Variants in THSD7A observed in about 807,000 individuals in gnomAD.
The protein encoded by THSD7A is thrombospondin type 1 domain containing 7A, also known as thrombospondin type-1 domain-containing protein 7A.
THSD7A carries 96 observed loss-of-function variants against 231.3 expected under a neutral mutation model. The ratio of observed to expected loss-of-function variants is 0.41; its 90% confidence interval spans 0.35 to 0.49. The LOEUF (loss-of-function observed/expected upper bound fraction) is 0.49. THSD7A is among the 20% of genes least tolerant of loss of function. THSD7A has a pLI of 0.05. For synonymous variants in THSD7A, 940 were observed against 743.3 expected (o/e 1.26, Z -4.30); for missense variants, 2,290 against 2,070.2 (o/e 1.11, Z -2.06).
chr7:11,743,739 T>C (rs761097421), intron 1 of THSD7A, among the ~76,000 whole-genome samples: 11 of 151,850 alleles, frequency 7.2e-5, no homozygotes, highest in Non-Finnish European at 1.2e-4. Context: ...TTCTATGCTA[T>C]GGTGATAAAT....
intron 1 of THSD7A, among the ~76,000 whole-genome samples, chr7:11,675,796 C>T (rs1186164827): frequency 6.6e-6 from 1 of 152,194 alleles, no homozygotes; most frequent in Non-Finnish European, 1.5e-5. Flanking sequence ...TCCCATCTCC[C>T]TGGGACAGAG....
intron 1 of THSD7A, among the ~76,000 whole-genome samples, chr7:11,660,777 G>A (rs1036395917): frequency 1.3e-5 from 2 of 151,474 alleles, no homozygotes; most frequent in Non-Finnish European, 3.0e-5. Context: ...ATGAGCAAAT[G>A]TGTTTTTAAA....
intron 6 of THSD7A, among the ~76,000 whole-genome samples, chr7:11,482,975 T>C (rs539931578): frequency 4.0e-5 from 6 of 151,518 alleles, no homozygotes; most frequent in Admixed American, 1.3e-4. Flanking sequence ...ATATAGGTGG[T>C]TAACGAGGTC....
At chr7:11,828,981 A>T (rs985292692) in intron 1 of THSD7A, among the ~76,000 whole-genome samples, 4 of 152,028 alleles carry the variant, frequency 2.6e-5, no homozygotes, top group Non-Finnish European at 5.9e-5. Flanking sequence ...CTTTATGATG[A>T]TCCAGTTCCA....
intron 23 of THSD7A, among the ~76,000 whole-genome samples, chr7:11,386,136 T>G (rs181344137): frequency 6.6e-6 from 1 of 152,216 alleles, no homozygotes; most frequent in Non-Finnish European, 1.5e-5. Flanking sequence ...TTCGGGTTGG[T>G]TCCAAGTCTT....
At chr7:11,799,709 T>C (rs1397098372) in intron 1 of THSD7A, among the ~76,000 whole-genome samples, 1 of 152,150 alleles carries the variant, frequency 6.6e-6, no homozygotes, top group Admixed American at 6.5e-5. Context: ...ATACTAATAG[T>C]TCCTATGCAT....
chr7:11,544,675 A>C (rs1401750503), intron 4 of THSD7A, among the ~76,000 whole-genome samples: 1 of 152,240 alleles, frequency 6.6e-6, no homozygotes, highest in Non-Finnish European at 1.5e-5. Context: ...GCACACAGTC[A>C]TAAATGCTAT....
At chr7:11,760,099 A>C (rs1338161666) in intron 1 of THSD7A, among the ~76,000 whole-genome samples, 1 of 152,126 alleles carries the variant, frequency 6.6e-6, no homozygotes, top group African/African-American at 2.4e-5. Flanking sequence ...GAAGAGAAAG[A>C]TGATGATAGA....
chr7:11,800,127 A>G (rs1583301178), intron 1 of THSD7A, among the ~76,000 whole-genome samples: 1 of 152,142 alleles, frequency 6.6e-6, no homozygotes, highest in Non-Finnish European at 1.5e-5. Context: ...AGCACTTGAG[A>G]CCAGCCTAGA....
rs1321824708 is a variant in THSD7A, at chr7:11,814,652, T to C, written c.190+17105A>G. 7.9e-5 allele frequency among the ~76,000 whole-genome samples: 12 copies of C among 152,166 alleles called. No individual in the cohort carries two copies. The highest frequency in any genetic ancestry group is 2.9e-4 in the African/African-American group (12 of 41,450). On this transcript the variant is annotated intron_variant, in intron 1 of 27. Coordinates refer to ENST00000423059, the MANE Select transcript of THSD7A (RefSeq NM_015204.3). The surrounding 1 kb of genome is among the most constrained non-coding windows in gnomAD (Gnocchi z 5.1). Reference sequence around the variant, plus strand: ...CTGAAGCAGTTCAAAACCAGTTCTCTTATACAATGAGCCAAGAGAACTAAA... The same window carrying C: ...CTGAAGCAGTTCAAAACCAGTTCTCCTATACAATGAGCCAAGAGAACTAAA...
At chr7:11,408,411 T>C (rs540344318) in intron 19 of THSD7A, among the ~76,000 whole-genome samples, 3 of 151,792 alleles carry the variant, frequency 2.0e-5, no homozygotes, top group South Asian at 4.2e-4. Flanking sequence ...GGCAGGAGAA[T>C]TGCTTGAACC....
intron 1 of THSD7A, among the ~76,000 whole-genome samples, chr7:11,776,347 G>A (rs1783405124): frequency 6.6e-6 from 1 of 152,150 alleles, no homozygotes; most frequent in Middle Eastern, 3.2e-3. Flanking sequence ...CAGTAATGGA[G>A]CACATAAAGC....
chr7:11,768,935 GGTTTT>G (rs78762361), intron 1 of THSD7A, among the ~76,000 whole-genome samples: 36,528 of 147,236 alleles, frequency 0.25, 4,709 homozygotes, highest in Middle Eastern at 0.39. Context: ...TCCATTTAAT[GGTTTT>G]GTTTTGTTTT....
intron 26 of THSD7A, chr7:11,378,855 A>C: frequency 1.8e-6 from 1 of 544,844 alleles, no homozygotes; most frequent in South Asian, 2.8e-5. Context: ...ATTTTTTCTC[A>C]GAAGAATGTA....
chr7:11,557,695 C>T (rs1234176991), intron 4 of THSD7A, among the ~76,000 whole-genome samples: 1 of 152,120 alleles, frequency 6.6e-6, no homozygotes, highest in Admixed American at 6.6e-5. Flanking sequence ...TATTTAACCT[C>T]CATTGATAAC....
At chr7:11,687,140 A>G (rs773902376) in intron 1 of THSD7A, among the ~76,000 whole-genome samples, 1 of 151,868 alleles carries the variant, frequency 6.6e-6, no homozygotes, top group African/African-American at 2.4e-5. Flanking sequence ...GGTGACCCCA[A>G]TTACATTTGC....
Position 11,446,694 on chromosome 7 carries a change from C to T in THSD7A, c.2801-370G>A, listed in dbSNP as rs1013220897. On this transcript the variant is annotated intron_variant, in intron 12 of 27. Transcript: ENST00000423059. This position sits in a 1 kb window ranked among gnomAD's most constrained non-coding sequence, Gnocchi z 4.0. ...TAAATTCTGAGTACTCTACTAGCAC[C>T]AATATTTTTAGGTTGCTTTTGCCAT... Among the ~76,000 whole-genome samples the T allele has an allele frequency of 2.0e-5, 3 of 152,112 alleles. No homozygotes were observed. Among genetic ancestry groups the T allele is most frequent in the Middle Eastern group, 3.4e-3 (1 of 294 alleles).
At position 11,831,800 on chromosome 7, in the gene THSD7A, C is replaced by A. The variant is rs763256651; in HGVS notation, c.147G>T (p.Ala49=). 8 of 1,462,590 alleles carry A rather than the reference C, an allele frequency of 5.5e-6. No individual in the cohort carries two copies. In the Admixed American group the frequency reaches 6.6e-5, roughly 12 times the overall value. The allele number at this position is 1,462,590 out of a possible 1,614,324, so 90.6% of individuals were successfully genotyped here. ...GGGTGGGCGCCTCCGCCTCGCCCTGCGCCGCAGCCCTGCCGGCGCCCGGGC... is the reference window on the plus strand; with the variant it reads ...GGGTGGGCGCCTCCGCCTCGCCCTGAGCCGCAGCCCTGCCGGCGCCCGGGC... The part of the protein sequence containing the change: ...LLRPGAGRAA[A]QGEAEAPTLY... The change falls in exon 1 of 28, where the codon GCG becomes GCT. Residue 49 remains alanine, a synonymous_variant. Transcript: ENST00000423059. This position sits in a 1 kb window ranked among gnomAD's most constrained non-coding sequence, Gnocchi z 5.0.
intron 1 of THSD7A, among the ~76,000 whole-genome samples, chr7:11,777,444 CACACACACACACA>C (rs1783448853): frequency 6.6e-6 from 1 of 151,690 alleles, no homozygotes; most frequent in Admixed American, 6.6e-5. Context: ...CACACACACA[CACACACACACACA>C]CACTCTTTAA....
Sources: allele counts gnomAD v4.1 joint callset (sites outside exome capture counted in the v4.1 genomes callset), GRCh38; gene constraint gnomAD v4.1.1; non-coding constraint Gnocchi (gnomAD v3.1); transcripts MANE v1.5; gene names NCBI Gene and HGNC (gene_info 2026-07-23, HGNC 2026-07-21).